ITGA1: variants seen among roughly 807,000 people sequenced by gnomAD.
ITGA1 encodes the protein integrin alpha-1.
In ITGA1, 85 loss-of-function variants were observed where a neutral mutation model predicts 145.9. The ratio of observed to expected loss-of-function variants is 0.58; its 90% CI spans 0.49 to 0.70. The LOEUF is 0.70. ITGA1 is among the 30% of genes least tolerant of loss of function. ITGA1 has a pLI of 0.00. For missense variants in ITGA1, 1,351 were observed against 1,418.7 expected (o/e 0.95, Z 0.77); for synonymous variants, 520 against 495.3 (o/e 1.05, Z -0.66).
At chr5:52,797,965 T>G (rs529086044) in intron 1 of ITGA1, among the ~76,000 whole-genome samples, 2 of 152,354 alleles carry the variant, frequency 1.3e-5, no homozygotes, top group South Asian at 4.1e-4. Context: ...GAAAGATAAA[T>G]TGTACTTAGA....
chr5:52,882,292 G>T (rs1433462585), intron 7 of ITGA1, among the ~76,000 whole-genome samples: 3 of 151,650 alleles, frequency 2.0e-5, no homozygotes, highest in Non-Finnish European at 4.4e-5. Context: ...CATGTTCTTG[G>T]GTACTAAGAC....
intron 1 of ITGA1, among the ~76,000 whole-genome samples, chr5:52,844,063 A>G (rs1561225012): frequency 6.6e-6 from 1 of 152,166 alleles, no homozygotes. Context: ...GGGGTAAAGT[A>G]ATTGCTCACA....
intron 8 of ITGA1, among the ~76,000 whole-genome samples, chr5:52,891,378 A>G (rs1750145976): frequency 6.6e-6 from 1 of 150,972 alleles, no homozygotes; most frequent in African/African-American, 2.4e-5. Flanking sequence ...ACTGTATAGT[A>G]TGTACTGTGT....
intron 18 of ITGA1, among the ~76,000 whole-genome samples, 186 bp downstream of exon 18, chr5:52,923,073 A>G (rs975309283): frequency 3.9e-5 from 6 of 152,216 alleles, no homozygotes; most frequent in African/African-American, 1.4e-4. Flanking sequence ...TCTTGCTCTA[A>G]AGACCTTCTC....
intron 1 of ITGA1, among the ~76,000 whole-genome samples, chr5:52,838,039 G>A (rs771939340): frequency 4.1e-4 from 62 of 152,054 alleles, no homozygotes; most frequent in African/African-American, 2.4e-4. Context: ...TTTTCTAAGC[G>A]TTTTCAGGTG....
intron 1 of ITGA1, chr5:52,801,578 TGG>T: frequency 6.2e-7 from 1 of 1,614,018 alleles, no homozygotes; most frequent in Non-Finnish European, 8.5e-7. Flanking sequence ...CTCAAGCAGG[TGG>T]AGAAGGCCAA....
intron 1 of ITGA1, among the ~76,000 whole-genome samples, chr5:52,792,571 C>G (rs911767092): frequency 6.6e-6 from 1 of 152,170 alleles, no homozygotes. Context: ...GATGTTCTGA[C>G]TTCAGTAGAT....
chr5:52,791,792 TTATAAC>T (rs1438136100), intron 1 of ITGA1, among the ~76,000 whole-genome samples: 1 of 152,194 alleles, frequency 6.6e-6, no homozygotes, highest in Non-Finnish European at 1.5e-5. Context: ...AATTAAAACT[TTATAAC>T]TATTATCAAT....
rs1030508546 is a variant in ITGA1 at position 52,953,057 on chromosome 5, G to T, written c.*606G>T. 3 of 152,020 alleles carry T rather than the reference G, an allele frequency of 2.0e-5. No homozygotes were observed. The highest frequency in any genetic ancestry group is 7.2e-5 in the African/African-American group (3 of 41,448). The allele number at this position is 152,020 out of a possible 1,614,324, so 9.4% of individuals were successfully genotyped here. On this transcript the variant is annotated 3_prime_UTR_variant, in exon 29 of 29. Coordinates refer to ENST00000282588, the MANE Select transcript of ITGA1 (RefSeq NM_181501.2). ...TTTTCCCTCCCTGCCCAAGGTGATTGGAAAGTACTGCAATTGAGCTAAAAT... is the reference window on the plus strand; with the variant it reads ...TTTTCCCTCCCTGCCCAAGGTGATTTGAAAGTACTGCAATTGAGCTAAAAT...
intron 11 of ITGA1, 21 bp from the exon 12 acceptor site, chr5:52,905,742 C>T: frequency 6.2e-7 from 1 of 1,604,936 alleles, no homozygotes; most frequent in Non-Finnish European, 8.5e-7. Context: ...GGTGGTATAC[C>T]TGGAATCTTT....
intron 12 of ITGA1, among the ~76,000 whole-genome samples, chr5:52,907,100 C>T (rs1213510333): frequency 6.6e-6 from 1 of 152,124 alleles, no homozygotes; most frequent in Non-Finnish European, 1.5e-5. Context: ...TATTTTTACC[C>T]CTGTCAGCGT....
At chr5:52,901,333 A>G (rs1750311061) in intron 11 of ITGA1, among the ~76,000 whole-genome samples, 1 of 152,234 alleles carries the variant, frequency 6.6e-6, no homozygotes, top group Non-Finnish European at 1.5e-5. Flanking sequence ...TGTTTAGTCC[A>G]GGAAGCTCTA....
rs1751027998 is a variant in ITGA1, at chr5:52,939,879, C to G, written c.3220C>G (p.Leu1074Val). The G allele has an allele frequency of 6.2e-7, 1 of 1,613,496 alleles. No individual in the cohort carries two copies. Among genetic ancestry groups the G allele is most frequent in the Non-Finnish European group, 8.5e-7 (1 of 1,179,550 alleles). Residue 1074 changes from leucine (L) to valine (V), a missense_variant, in exon 26 of 29, where the codon CTC becomes GTC. Coordinates refer to ENST00000282588, the MANE Select transcript of ITGA1 (RefSeq NM_181501.2). ...TAAATTTGCTACCATCACATGTAAT[C>G]TCACTTCTTCTGACATCAGCCAAGT... Reference protein sequence around the residue: ...TCKFATITCNLTSSDISQVNV... With the variant: ...TCKFATITCNVTSSDISQVNV...
intron 1 of ITGA1, among the ~76,000 whole-genome samples, chr5:52,835,253 A>C (rs1216798486): frequency 6.6e-6 from 1 of 152,188 alleles, no homozygotes; most frequent in South Asian, 2.1e-4. Context: ...TGAGAATATA[A>C]GTTCTTATTT....
At chr5:52,808,676 C>CTTTCA (rs1554041033) in intron 1 of ITGA1, among the ~76,000 whole-genome samples, 18 of 69,328 alleles carry the variant, frequency 2.6e-4, no homozygotes, top group African/African-American at 1.1e-3. Context: ...TTCTTTCTTT[C>CTTTCA]TTTTTTTTTT....
intron 1 of ITGA1, among the ~76,000 whole-genome samples, chr5:52,837,779 C>T (rs1749184595): frequency 6.6e-6 from 1 of 151,662 alleles, no homozygotes; most frequent in Admixed American, 6.6e-5. Flanking sequence ...ATGTTACTGC[C>T]CAACTAATGT....
chr5:52,803,835 A>G (rs1748538418), intron 1 of ITGA1: 1 of 152,204 alleles, frequency 6.6e-6, no homozygotes, highest in Admixed American at 6.5e-5. Context: ...ATTCCTGTGC[A>G]TAATAAAATC....
rs537757417 is a variant in ITGA1, at chr5:52,896,739, GA to G, written c.1091-715del. On this transcript the variant is annotated intron_variant, in intron 9 of 28. Coordinates refer to ENST00000282588, the MANE Select transcript of ITGA1 (RefSeq NM_181501.2). ...TGTGAATATTTTGAGAATAATTTGA[GA>G]GTAGCAGACTGCCATGGAATGCTCT... 2.9e-3 allele frequency among the ~76,000 whole-genome samples: 438 copies of G among 152,200 alleles called. 3 individuals carry two copies. Among genetic ancestry groups the G allele is most frequent in the African/African-American group, 0.01 (420 of 41,520 alleles).
chr5:52,925,276 A>T lies in ITGA1; in HGVS notation c.2404-2A>T, dbSNP rs1315713413. 6.2e-7 allele frequency: 1 copy of T among 1,611,840 alleles called. No homozygotes were observed. Among genetic ancestry groups the T allele is most frequent in the African/African-American group, 1.3e-5 (1 of 74,900 alleles). On this transcript the variant is annotated splice_acceptor_variant, in intron 18 of 28. Transcript: ENST00000282588. LOFTEE classifies it high-confidence loss of function. ...AAAAATTCTTTCCTGTCATCATTTC[A>T]GATTCCCTTTGCCAAAGATTGTGGA...
Sources: allele counts gnomAD v4.1 joint callset (sites outside exome capture counted in the v4.1 genomes callset), GRCh38; gene constraint gnomAD v4.1.1; transcripts MANE v1.5; gene names NCBI Gene and HGNC (gene_info 2026-07-23, HGNC 2026-07-21).